MAP2: variants seen among roughly 807,000 people sequenced by gnomAD.
MAP2 encodes microtubule-associated protein 2.
MAP2 carries 14 observed loss-of-function variants against 137.6 expected under a neutral mutation model. That is an observed-to-expected ratio of 0.10 (90% CI 0.07 to 0.16). The LOEUF is 0.16. Ranked by LOEUF, MAP2 falls within the 10% of genes least tolerant of loss-of-function variation. MAP2 has a pLI of 1.00. For synonymous variants in MAP2, 786 were observed against 782.3 expected (o/e 1.00, Z -0.08); for missense variants, 2,088 against 2,191.5 (o/e 0.95, Z 0.94).
chr2:209,433,539 C>T (rs1006531316), intron 1 of MAP2, among the ~76,000 whole-genome samples: 1 of 152,070 alleles, frequency 6.6e-6, no homozygotes, highest in African/African-American at 2.4e-5. Flanking sequence ...TTGCACTGCA[C>T]TGTAATTTTT....
intron 4 of MAP2, among the ~76,000 whole-genome samples, chr2:209,648,195 A>T (rs1420235225): frequency 6.6e-6 from 1 of 151,096 alleles, no homozygotes. Flanking sequence ...TCCGCCTCCC[A>T]GGTTCAAGCA....
At chr2:209,622,337 T>C (rs1020499126) in intron 3 of MAP2, among the ~76,000 whole-genome samples, 1 of 152,110 alleles carries the variant, frequency 6.6e-6, no homozygotes, top group African/African-American at 2.4e-5. Context: ...CTAGCCAGAG[T>C]TGAAGACCTA....
intron 2 of MAP2, among the ~76,000 whole-genome samples, chr2:209,540,478 G>A (rs868267592): frequency 2.0e-5 from 3 of 150,558 alleles, no homozygotes; most frequent in Non-Finnish European, 3.0e-5. Flanking sequence ...CTAAAAATAC[G>A]AAAATTGCCG....
chr2:209,645,604 G>A (rs989424394), intron 4 of MAP2, among the ~76,000 whole-genome samples: 7 of 151,952 alleles, frequency 4.6e-5, no homozygotes, highest in African/African-American at 1.2e-4. Context: ...TACTTCATTC[G>A]CTTTACATGA....
In MAP2 at chr2:209,478,770, T is replaced by C. The variant is rs189970206; in HGVS notation, c.-221-28822T>C. Among the ~76,000 whole-genome samples, 14 of 152,356 alleles carry C rather than the reference T, an allele frequency of 9.2e-5. No homozygotes were observed. In the East Asian group the frequency reaches 2.7e-3, roughly 29 times the overall value. Reference sequence around the variant, plus strand: ...GTTGATATGTCTCCCATTTCCACTCTAGATTTAATTATCTAAATAGAAATG... The same window carrying C: ...GTTGATATGTCTCCCATTTCCACTCCAGATTTAATTATCTAAATAGAAATG... On this transcript the variant is annotated intron_variant, in intron 1 of 15. Transcript: ENST00000682079.
chr2:209,713,731 C>T (rs1276716330), intron 13 of MAP2, among the ~76,000 whole-genome samples: 1 of 152,116 alleles, frequency 6.6e-6, no homozygotes, highest in Non-Finnish European at 1.5e-5. Flanking sequence ...TCTCTAAACA[C>T]GTAGCATAAA....
Position 209,653,249 on chromosome 2 carries a change from C to T in MAP2, c.79C>T (p.His27Tyr). ...GCTAACAGAGGCATCTGCACACTCACATCCACCTGAGATTAAGGATCAAGG... is the reference window on the plus strand; with the variant it reads ...GCTAACAGAGGCATCTGCACACTCATATCCACCTGAGATTAAGGATCAAGG... ...APLTEASAHS[H>Y]PPEIKDQGGA... is the part of the protein sequence containing the mutation. Residue 27 changes from histidine to tyrosine, a missense_variant, in exon 5 of 16, where the codon CAT becomes TAT. His to Tyr is a moderately conservative substitution (Grantham distance 83). Coordinates refer to ENST00000682079, the MANE Select transcript of MAP2 (RefSeq NM_001375505.1). 1 of 1,614,138 alleles carries T rather than the reference C, an allele frequency of 6.2e-7. No individual in the cohort carries two copies. Among genetic ancestry groups the T allele is most frequent in the Middle Eastern group, 1.7e-4 (1 of 6,060 alleles).
At chr2:209,490,286 G>T (rs2058914668) in intron 1 of MAP2, among the ~76,000 whole-genome samples, 1 of 152,020 alleles carries the variant, frequency 6.6e-6, no homozygotes, top group Middle Eastern at 3.2e-3. Flanking sequence ...AGCGCTAAAT[G>T]TAGCAAGGAA....
intron 3 of MAP2, among the ~76,000 whole-genome samples, chr2:209,622,801 A>G (rs2091518780): frequency 6.6e-6 from 1 of 152,164 alleles, no homozygotes; most frequent in South Asian, 2.1e-4. Context: ...CTTTCTCATA[A>G]AGTCTAGAAA....
chr2:209,557,847 T>A (rs1010429787), intron 2 of MAP2, among the ~76,000 whole-genome samples: 1 of 152,170 alleles, frequency 6.6e-6, no homozygotes, highest in Non-Finnish European at 1.5e-5. Context: ...CGGCTTATCC[T>A]CCTCTGTACT....
intron 3 of MAP2, among the ~76,000 whole-genome samples, chr2:209,599,465 G>A (rs544900790): frequency 6.6e-6 from 1 of 152,120 alleles, no homozygotes; most frequent in South Asian, 2.1e-4. Flanking sequence ...AACCATGTTT[G>A]CACCTTCTCC....
intron 4 of MAP2, among the ~76,000 whole-genome samples, chr2:209,652,264 C>A (rs2094853550): frequency 1.3e-5 from 2 of 152,304 alleles, no homozygotes; most frequent in South Asian, 4.1e-4. Flanking sequence ...TAATTTACAA[C>A]TTCCTGTTGT....
At chr2:209,462,550 G>A (rs1703084218) in intron 1 of MAP2, among the ~76,000 whole-genome samples, 1 of 152,088 alleles carries the variant, frequency 6.6e-6, no homozygotes, top group South Asian at 2.1e-4. Flanking sequence ...GGATCCAAGA[G>A]ACAAAAAGAA....
chr2:209,658,896 A>G (rs1207606832), intron 5 of MAP2, among the ~76,000 whole-genome samples: 1 of 152,210 alleles, frequency 6.6e-6, no homozygotes, highest in African/African-American at 2.4e-5. Flanking sequence ...CAGCTTAGAA[A>G]TGTGTGTAGA....
intron 2 of MAP2, among the ~76,000 whole-genome samples, chr2:209,528,127 A>G (rs912123007): frequency 2.8e-4 from 41 of 148,254 alleles, no homozygotes; most frequent in African/African-American, 1.0e-3. Context: ...GAAAATATGC[A>G]AATTCAAGTT....
intron 1 of MAP2, among the ~76,000 whole-genome samples, chr2:209,426,640 A>G (rs1001457672): frequency 3.5e-4 from 54 of 152,306 alleles, no homozygotes; most frequent in Non-Finnish European, 4.4e-5. Flanking sequence ...CTCTCAGTGG[A>G]AACCAAACAC....
intron 1 of MAP2, among the ~76,000 whole-genome samples, chr2:209,447,984 A>G (rs1699479495): frequency 6.6e-6 from 1 of 152,098 alleles, no homozygotes; most frequent in Non-Finnish European, 1.5e-5. Flanking sequence ...CGTGTTAGAA[A>G]TGTAAATTCT....
intron 3 of MAP2, among the ~76,000 whole-genome samples, chr2:209,598,952 G>A (rs1233544526): frequency 6.6e-6 from 1 of 151,598 alleles, no homozygotes; most frequent in African/African-American, 2.4e-5. Flanking sequence ...TAGTCCTTTG[G>A]GTATATACCC....
At chr2:209,678,427 G>A in intron 5 of MAP2, 145 bp from the exon 6 acceptor site, 1 of 374,740 alleles carries the variant, frequency 2.7e-6, no homozygotes, top group Non-Finnish European at 4.8e-6. Context: ...ATGTGTTTAT[G>A]TTTTCTCTGC....
Sources: gnomAD v4.1 joint callset for allele counts (sites outside exome capture counted in the v4.1 genomes callset) on GRCh38, gnomAD v4.1.1 for gene constraint, MANE v1.5 for transcripts, NCBI Gene and HGNC (gene_info 2026-07-23, HGNC 2026-07-21) for gene names.